VPS54: variants seen among roughly 807,000 people sequenced by gnomAD.
VPS54 encodes VPS54 subunit of GARP complex, also known as vacuolar protein sorting-associated protein 54.
VPS54 carries 45 observed loss-of-function variants against 121.5 expected under a neutral mutation model. The observed-to-expected ratio is 0.37, with a 90% CI of 0.29 to 0.47. VPS54 has a LOEUF of 0.47. VPS54 is among the 20% of genes least tolerant of loss of function. The pLI is 0.99. For synonymous variants in VPS54, 371 were observed against 385.8 expected (o/e 0.96, Z 0.45); for missense variants, 1,090 against 1,131.4 (o/e 0.96, Z 0.52).
At chr2:63,946,893 T>G (rs1394761255) in intron 9 of VPS54, among the ~76,000 whole-genome samples, 1 of 152,010 alleles carries the variant, frequency 6.6e-6, no homozygotes, top group East Asian at 1.9e-4. Flanking sequence ...AACCAATACT[T>G]CTAGGAATCA....
chr2:63,914,004 G>C (rs970227556), intron 17 of VPS54, 178 bp downstream of exon 17: 1 of 1,160,426 alleles, frequency 8.6e-7, no homozygotes, highest in Non-Finnish European at 1.2e-6. Flanking sequence ...TGTGGAGTAA[G>C]AAGGAAGCAG....
At chr2:63,962,503 A>G in intron 6 of VPS54, 60 bp from the exon 7 acceptor site, 1 of 1,497,698 alleles carries the variant, frequency 6.7e-7, no homozygotes, top group South Asian at 1.3e-5. Flanking sequence ...TGATTATCCA[A>G]ATACTTTATG....
At chr2:63,981,229 A>G (rs62136423) in intron 3 of VPS54, among the ~76,000 whole-genome samples, 11,474 of 152,182 alleles carry the variant, frequency 0.075, 876 homozygotes, top group African/African-American at 0.2. Context: ...ATATTAAGTT[A>G]TAATTATGTC....
In VPS54 at chr2:63,962,183, A is replaced by G. The variant is rs1675801609; in HGVS notation, c.885T>C (p.Thr295=). The G allele has an allele frequency of 6.2e-7, 1 of 1,614,044 alleles. No individual in the cohort carries two copies. Among genetic ancestry groups the G allele is most frequent in the Non-Finnish European group, 8.5e-7 (1 of 1,179,892 alleles). ...GTACTGTAGGCTGAGTCTGGTGTAC[A>G]GTGGCCATTAACTTCAGCTTATTGT... ...KVYNKLKLMA[T]VHQTQPTVQV... The change falls in exon 7 of 23, where the codon ACT becomes ACC. Residue 295 remains threonine (T), a synonymous_variant. Transcript: ENST00000272322.
At chr2:63,956,841 T>C (rs1423635911) in intron 7 of VPS54, among the ~76,000 whole-genome samples, 1 of 152,120 alleles carries the variant, frequency 6.6e-6, no homozygotes, top group Non-Finnish European at 1.5e-5. Flanking sequence ...AATAGAGTGT[T>C]AACGACAATT....
intron 3 of VPS54, among the ~76,000 whole-genome samples, chr2:63,978,200 CTTACATG>C (rs1273096109): frequency 6.6e-6 from 1 of 152,222 alleles, no homozygotes; most frequent in Non-Finnish European, 1.5e-5. Context: ...TTCCAAGCTC[CTTACATG>C]ACAGATCAGA....
chr2:63,930,429 T>A (rs1186976095), intron 12 of VPS54, among the ~76,000 whole-genome samples: 3 of 152,136 alleles, frequency 2.0e-5, no homozygotes, highest in Admixed American at 6.5e-5. Context: ...ATTATCTCAA[T>A]AGATGCAGAA....
chr2:63,969,032 T>C (rs1676145991), intron 4 of VPS54, 41 bp from the exon 5 acceptor site: 1 of 1,523,802 alleles, frequency 6.6e-7, no homozygotes, highest in Non-Finnish European at 9.0e-7. Flanking sequence ...TAAAACTTGT[T>C]TTCATTTTAA....
At chr2:63,987,317 G>A (rs1327050404) in intron 1 of VPS54, among the ~76,000 whole-genome samples, 1 of 152,160 alleles carries the variant, frequency 6.6e-6, no homozygotes. Context: ...TGAAGAGACT[G>A]TCCTTTTCCC....
intron 13 of VPS54, 150 bp from the exon 14 acceptor site, chr2:63,920,777 T>C: frequency 2.4e-6 from 1 of 413,088 alleles, no homozygotes; most frequent in Non-Finnish European, 3.8e-6. Context: ...CATGAAATGC[T>C]TAAGAGGTCC....
intron 7 of VPS54, among the ~76,000 whole-genome samples, chr2:63,960,401 A>C (rs1193666084): frequency 6.6e-6 from 1 of 152,228 alleles, no homozygotes; most frequent in Non-Finnish European, 1.5e-5. Flanking sequence ...TAACCCAATA[A>C]ATCATAAACT....
intron 12 of VPS54, among the ~76,000 whole-genome samples, chr2:63,927,069 C>G (rs1346823400): frequency 6.6e-6 from 1 of 152,210 alleles, no homozygotes; most frequent in Non-Finnish European, 1.5e-5. Context: ...TTCCACCTCC[C>G]TGGGGAGGGC....
At chr2:63,926,056 A>G (rs1673886606) in intron 12 of VPS54, among the ~76,000 whole-genome samples, 1 of 152,224 alleles carries the variant, frequency 6.6e-6, no homozygotes, top group South Asian at 2.1e-4. Context: ...GTTCTACCCA[A>G]ATTACATGGC....
At chr2:64,016,711 C>A (rs1678715004) in intron 1 of VPS54, among the ~76,000 whole-genome samples, 1 of 151,396 alleles carries the variant, frequency 6.6e-6, no homozygotes, top group African/African-American at 2.4e-5. Flanking sequence ...CAGGTTCAAG[C>A]GATTCGCCAG....
intron 3 of VPS54, among the ~76,000 whole-genome samples, chr2:63,979,789 C>T (rs1391431410): frequency 1.3e-5 from 2 of 151,960 alleles, no homozygotes; most frequent in African/African-American, 2.4e-5. Context: ...GATTTTCCAC[C>T]AACCTTTCCA....
intron 9 of VPS54, among the ~76,000 whole-genome samples, chr2:63,946,784 A>G (rs1217318708): frequency 2.0e-5 from 3 of 152,114 alleles, no homozygotes; most frequent in Non-Finnish European, 4.4e-5. Context: ...AAGGAAATGA[A>G]CATTTGTCTA....
At chr2:63,966,594 A>G (rs1676013658) in intron 5 of VPS54, among the ~76,000 whole-genome samples, 1 of 152,086 alleles carries the variant, frequency 6.6e-6, no homozygotes, top group Non-Finnish European at 1.5e-5. Flanking sequence ...ATCCTTCCCT[A>G]ATCTATCCCC....
At chr2:63,954,718 A>G (rs980823499) in intron 7 of VPS54, among the ~76,000 whole-genome samples, 10 of 152,104 alleles carry the variant, frequency 6.6e-5, no homozygotes, top group African/African-American at 2.4e-4. Flanking sequence ...CTCTTGTTAA[A>G]AAGTAAAATT....
At position 63,947,321 on chromosome 2, in the gene VPS54, CATAAAA is replaced by C. The variant is rs905689977; in HGVS notation, c.1245+56_1245+61del. ...ACTATATATATTATTACTAGGATAA[CATAAAA>C]ATAAACTTCACAAAGGTTCCAGACC... On this transcript the variant is annotated intron_variant, in intron 9 of 22. Coordinates refer to ENST00000272322, the MANE Select transcript of VPS54 (RefSeq NM_016516.3). The C allele has an allele frequency of 4.9e-5, 67 of 1,363,326 alleles. No homozygotes were observed. In the African/African-American group the frequency reaches 8.3e-4, roughly 17 times the overall value. 84.5% of individuals were successfully genotyped at this position (1,363,326 alleles called of 1,614,324 possible). A position where few individuals can be genotyped will look rare whatever the true frequency, so the allele number is the denominator to read the frequency against.
Sources: allele counts gnomAD v4.1 joint callset (sites outside exome capture counted in the v4.1 genomes callset), GRCh38; gene constraint gnomAD v4.1.1; transcripts MANE v1.5; gene names NCBI Gene and HGNC (gene_info 2026-07-23, HGNC 2026-07-21).